Variants in RIMS2 observed in about 807,000 individuals in gnomAD.
RIMS2 encodes the protein regulating synaptic membrane exocytosis 2.
Under a neutral mutation model 174.4 loss-of-function variants are expected in RIMS2, and 59 were observed. That is an observed-to-expected ratio of 0.34 (90% confidence interval 0.27 to 0.42). The LOEUF (loss-of-function observed/expected upper bound fraction) is 0.42, where lower values mean the gene tolerates loss of function less well. Among genes scored for constraint, RIMS2 ranks in the 10% least tolerant of loss-of-function variants. RIMS2 has a pLI of 1.00. For missense variants in RIMS2, 1,620 were observed against 1,666.3 expected, an observed-to-expected ratio of 0.97 and a Z score of 0.48; for synonymous variants, 606 against 572.5, an observed-to-expected ratio of 1.06 and a Z score of -0.84.
At chr8:103,951,251 A>G (rs1350973464) in intron 14 of RIMS2, among the ~76,000 whole-genome samples, 1 of 152,250 alleles carries the variant, frequency 6.6e-6, no homozygotes, top group Non-Finnish European at 1.5e-5. Context: ...TGACAAACCC[A>G]TAGCCAACTT....
chr8:103,747,176 T>C (rs2139569076), intron 2 of RIMS2, among the ~76,000 whole-genome samples: 1 of 151,792 alleles, frequency 6.6e-6, no homozygotes, highest in African/African-American at 2.4e-5. Flanking sequence ...TGTGCCATGC[T>C]GGTGCGCTGC....
chr8:103,599,930 A>G (rs572147143), intron 1 of RIMS2, among the ~76,000 whole-genome samples: 10 of 152,284 alleles, frequency 6.6e-5, no homozygotes, highest in African/African-American at 2.2e-4. Context: ...TTAAAAATTT[A>G]CAATCAAATT....
intron 1 of RIMS2, among the ~76,000 whole-genome samples, chr8:103,670,903 A>G (rs1238109271): frequency 1.1e-4 from 17 of 152,198 alleles, no homozygotes; most frequent in Admixed American, 1.1e-3. Flanking sequence ...CCACATTTTC[A>G]GGTACCTTTA....
intron 3 of RIMS2, among the ~76,000 whole-genome samples, chr8:103,795,257 A>C (rs1465584170): frequency 2.0e-5 from 3 of 152,218 alleles, no homozygotes; most frequent in Non-Finnish European, 2.9e-5. Context: ...TGCAGCCATA[A>C]AAAGGATGAG....
rs76738148 is a variant in RIMS2, at chr8:103,983,754, G to T, written c.2928-5551G>T. Among the ~76,000 whole-genome samples the T allele has an allele frequency of 8.3e-3, 1,257 of 152,082 alleles. 21 individuals are homozygous for T. Among genetic ancestry groups the T allele is most frequent in the African/African-American group, 0.029 (1,204 of 41,484 alleles). On this transcript the variant is annotated intron_variant, in intron 16 of 23. Transcript: ENST00000504942. ...CCATATACAAAAATCAAATTAAAAC[G>T]GATTAAAGACCTAAATCTAATACCT...
At chr8:104,137,144 T>C (rs1471363633) in intron 19 of RIMS2, among the ~76,000 whole-genome samples, 1 of 152,220 alleles carries the variant, frequency 6.6e-6, no homozygotes, top group African/African-American at 2.4e-5. Flanking sequence ...ATTATTTGGC[T>C]GTAGGAAATC....
chr8:103,601,146 C>A (rs2094716938), intron 1 of RIMS2, among the ~76,000 whole-genome samples: 1 of 152,154 alleles, frequency 6.6e-6, no homozygotes, highest in South Asian at 2.1e-4. Flanking sequence ...AATATTTTCT[C>A]CCATTCTGTG....
intron 2 of RIMS2, 128 bp downstream of exon 4, chr8:103,697,424 T>C: frequency 1.3e-6 from 1 of 789,282 alleles, no homozygotes. Flanking sequence ...TTAAAATGCT[T>C]GTGGCCAGAC....
intron 1 of RIMS2, among the ~76,000 whole-genome samples, chr8:103,521,737 C>G (rs1831773280): frequency 6.6e-6 from 1 of 151,834 alleles, no homozygotes; most frequent in Non-Finnish European, 1.5e-5. Flanking sequence ...AAGTTGTACT[C>G]ATATCAGGCA....
At chr8:103,961,442 C>T (rs1243880408) in intron 15 of RIMS2, among the ~76,000 whole-genome samples, 1 of 152,028 alleles carries the variant, frequency 6.6e-6, no homozygotes, top group East Asian at 1.9e-4. Flanking sequence ...TTTTATACTG[C>T]ACTAATATGG....
chr8:103,669,078 T>A (rs2096711787), intron 1 of RIMS2, among the ~76,000 whole-genome samples: 1 of 152,170 alleles, frequency 6.6e-6, no homozygotes, highest in African/African-American at 2.4e-5. Flanking sequence ...GGAAAGAGGT[T>A]TAATGGACTC....
intron 1 of RIMS2, among the ~76,000 whole-genome samples, chr8:103,606,541 A>G (rs1237800408): frequency 6.6e-6 from 1 of 152,102 alleles, no homozygotes; most frequent in Non-Finnish European, 1.5e-5. Flanking sequence ...GCTGGGTTCA[A>G]TTCCTGGGTA....
chr8:103,820,941 G>A (rs1199319434), intron 3 of RIMS2, among the ~76,000 whole-genome samples: 1 of 151,076 alleles, frequency 6.6e-6, no homozygotes, highest in African/African-American at 2.4e-5. Flanking sequence ...TAAAAAGCAA[G>A]TATTGCTTTC....
At chr8:103,568,659 A>G (rs2092570550) in intron 1 of RIMS2, 1 of 646,488 alleles carries the variant, frequency 1.5e-6, no homozygotes, top group Non-Finnish European at 2.9e-6. Flanking sequence ...TTCTAGAAGC[A>G]TTTCCCTAGA....
chr8:104,116,194 G>A (rs1323804302), intron 19 of RIMS2, among the ~76,000 whole-genome samples: 1 of 152,164 alleles, frequency 6.6e-6, no homozygotes, highest in East Asian at 1.9e-4. Context: ...CTGTACTCAT[G>A]TGTGTACATG....
intron 19 of RIMS2, among the ~76,000 whole-genome samples, chr8:104,219,990 A>G (rs2099147934): frequency 6.6e-6 from 1 of 152,208 alleles, no homozygotes. Flanking sequence ...TAAACCAGAA[A>G]TATTATTTAG....
intron 19 of RIMS2, among the ~76,000 whole-genome samples, chr8:104,170,476 C>A (rs1049631542): frequency 6.6e-6 from 1 of 152,068 alleles, no homozygotes; most frequent in Non-Finnish European, 1.5e-5. Flanking sequence ...AGAATAGCTA[C>A]ACCTGCTCAC....
chr8:103,903,923 G>T (rs746205987), intron 4 of RIMS2, among the ~76,000 whole-genome samples: 1 of 152,152 alleles, frequency 6.6e-6, no homozygotes, highest in Admixed American at 6.6e-5. Context: ...AGTTTCCTCA[G>T]TGGTTATATC....
intron 3 of RIMS2, among the ~76,000 whole-genome samples, chr8:103,834,332 CT>C (rs397892077): frequency 0.13 from 15,676 of 119,166 alleles, 1,195 homozygotes; most frequent in African/African-American, 0.26. Context: ...TTTTCTTTTT[CT>C]TTTTTTTTTT....
Sources: gnomAD v4.1 joint callset for allele counts (sites outside exome capture counted in the v4.1 genomes callset) on GRCh38, gnomAD v4.1.1 for gene constraint, MANE v1.5 for transcripts, NCBI Gene and HGNC (gene_info 2026-07-23, HGNC 2026-07-21) for gene names.